DOCK3: variants seen among roughly 807,000 people sequenced by gnomAD.
The protein encoded by DOCK3 is dedicator of cytokinesis 3.
A neutral mutation model predicts 265.6 loss-of-function variants in DOCK3; 60 were observed. The observed-to-expected ratio is 0.23, with a 90% confidence interval of 0.18 to 0.28. DOCK3 has a LOEUF of 0.28. DOCK3 is among the 10% of genes least tolerant of loss of function. The pLI is 1.00. For synonymous variants in DOCK3, 881 were observed against 938.0 expected (o/e 0.94, Z 1.11); for missense variants, 1,981 against 2,594.3 (o/e 0.76, Z 5.14).
chr3:51,275,300 CTT>C, intron 25 of DOCK3, 94 bp downstream of exon 25: 1 of 1,556,448 alleles, frequency 6.4e-7, no homozygotes. Flanking sequence ...GCTTTGTACA[CTT>C]TTCAGTCACA....
At chr3:50,755,126 C>T (rs2040081742) in intron 1 of DOCK3, among the ~76,000 whole-genome samples, 1 of 152,172 alleles carries the variant, frequency 6.6e-6, no homozygotes, top group African/African-American at 2.4e-5. Flanking sequence ...GTGATCACTG[C>T]TAATCATCTT....
At chr3:51,067,043 A>G (rs2081615870) in intron 6 of DOCK3, among the ~76,000 whole-genome samples, 1 of 152,216 alleles carries the variant, frequency 6.6e-6, no homozygotes, top group Non-Finnish European at 1.5e-5. Flanking sequence ...AAACATTTTT[A>G]TGTTATGAAA....
At chr3:51,278,615 CATATAT>C (rs58166776) in intron 26 of DOCK3, 57 of 568,380 alleles carry the variant, frequency 1.0e-4, no homozygotes, top group Non-Finnish European at 1.1e-4. Flanking sequence ...AAGTAAAAAA[CATATAT>C]ATATATATAT....
intron 1 of DOCK3, among the ~76,000 whole-genome samples, chr3:50,696,344 G>C (rs997463794): frequency 6.6e-6 from 1 of 152,182 alleles, no homozygotes; most frequent in Admixed American, 6.5e-5. Flanking sequence ...TAAAAGGTGA[G>C]AGTTAAGGAT....
chr3:50,920,653 G>A (rs943218397), intron 4 of DOCK3, among the ~76,000 whole-genome samples: 9 of 151,900 alleles, frequency 5.9e-5, no homozygotes, highest in African/African-American at 2.2e-4. Flanking sequence ...TTCTTTATTA[G>A]TCTTGCTAAC....
intron 5 of DOCK3, among the ~76,000 whole-genome samples, chr3:50,942,283 T>G (rs940032999): frequency 6.6e-6 from 1 of 152,014 alleles, no homozygotes; most frequent in Admixed American, 6.6e-5. Flanking sequence ...CAAAGTTAAA[T>G]TTTAAGCTTC....
At chr3:51,053,804 C>T (rs2109146268) in intron 5 of DOCK3, among the ~76,000 whole-genome samples, 1 of 152,168 alleles carries the variant, frequency 6.6e-6, no homozygotes, top group Non-Finnish European at 1.5e-5. Flanking sequence ...GTTACATTTC[C>T]TTTGTTGTGT....
intron 1 of DOCK3, among the ~76,000 whole-genome samples, chr3:50,763,767 C>T (rs1276933061): frequency 6.6e-6 from 1 of 151,990 alleles, no homozygotes; most frequent in Non-Finnish European, 1.5e-5. Context: ...TAAGTCTTCT[C>T]TCTGTTTTTC....
chr3:51,097,879 C>T (rs997436350), intron 9 of DOCK3, among the ~76,000 whole-genome samples: 9 of 152,232 alleles, frequency 5.9e-5, no homozygotes, highest in Admixed American at 1.3e-4. Context: ...TTCCCTGACT[C>T]CTTGTGCTTC....
At position 51,247,787 on chromosome 3, in the gene DOCK3, G is replaced by A. The variant is rs187437740; in HGVS notation, c.2184+980G>A. ...AATAAGACCAGCCCATCTTCTTGAA[G>A]AACATATCCGCAGTATCCTAAGGGG... On this transcript the variant is annotated intron_variant, in intron 22 of 52. Transcript: ENST00000266037. Among the ~76,000 whole-genome samples, 201 of 152,294 alleles carry A rather than the reference G, an allele frequency of 1.3e-3. 3 individuals are homozygous for A. Among genetic ancestry groups the A allele is most frequent in the Non-Finnish European group, 1.6e-4 (11 of 68,016 alleles).
intron 5 of DOCK3, among the ~76,000 whole-genome samples, chr3:50,963,960 A>G (rs1330082942): frequency 6.6e-6 from 1 of 152,248 alleles, no homozygotes; most frequent in Admixed American, 6.5e-5. Flanking sequence ...ATCAGGCATC[A>G]TGTGAGGAAA....
rs548734301 is a variant in DOCK3 at position 50,709,239 on chromosome 3, C to T, written c.37+33939C>T. 2.0e-5 allele frequency among the ~76,000 whole-genome samples: 3 copies of T among 152,254 alleles called. No individual in the cohort carries two copies. In the South Asian group the frequency reaches 6.2e-4, roughly 32 times the overall value. On this transcript the variant is annotated intron_variant, in intron 1 of 52. Transcript: ENST00000266037. ...AATACACTTGACTTTGTATATTGATCATGTGTCCTGCAACATTACTGAACT... is the reference window on the plus strand; with the variant it reads ...AATACACTTGACTTTGTATATTGATTATGTGTCCTGCAACATTACTGAACT...
chr3:50,763,182 AG>A (rs1559607215), intron 1 of DOCK3, among the ~76,000 whole-genome samples: 1 of 152,228 alleles, frequency 6.6e-6, no homozygotes, highest in African/African-American at 2.4e-5. Flanking sequence ...TTGTTAAGTC[AG>A]GGACCATCTG....
chr3:51,061,575 G>T (rs913457004), intron 5 of DOCK3, among the ~76,000 whole-genome samples: 2 of 151,976 alleles, frequency 1.3e-5, no homozygotes, highest in Non-Finnish European at 2.9e-5. Flanking sequence ...GGTGGGGAGA[G>T]GGGGGAGGGA....
In DOCK3 at chr3:51,315,007, G is replaced by A; in HGVS notation, c.3281G>A (p.Gly1094Glu). ...LGEHKIHFIPGMIGPFLGVTL... is the reference protein window; with the variant it reads ...LGEHKIHFIPEMIGPFLGVTL... Reference sequence around the variant, plus strand: ...GAACATAAGATCCACTTTATTCCGGGAATGATTGGTCCTTTTCTGGGTGTG... The same window carrying A: ...GAACATAAGATCCACTTTATTCCGGAAATGATTGGTCCTTTTCTGGGTGTG... Residue 1094 changes from glycine (G) to glutamate (E), a missense_variant, in exon 32 of 53, where the codon GGA becomes GAA. Physicochemically the swap from Gly to Glu is moderately conservative, Grantham distance 98. Transcript: ENST00000266037. The A allele has an allele frequency of 1.2e-6, 2 of 1,609,558 alleles. No individual in the cohort carries two copies. The highest frequency in any genetic ancestry group is 1.7e-6 in the Non-Finnish European group (2 of 1,177,344).
chr3:51,200,278 C>A (rs1030450109), intron 12 of DOCK3, among the ~76,000 whole-genome samples: 1 of 151,662 alleles, frequency 6.6e-6, no homozygotes, highest in African/African-American at 2.4e-5. Context: ...AAGTTAAAAA[C>A]TTTGAAAAAA....
At chr3:50,742,748 T>C (rs1466053075) in intron 1 of DOCK3, among the ~76,000 whole-genome samples, 2 of 152,104 alleles carry the variant, frequency 1.3e-5, no homozygotes, top group African/African-American at 2.4e-5. Flanking sequence ...ACGGGGAGAA[T>C]GGAACCAAGT....
intron 1 of DOCK3, among the ~76,000 whole-genome samples, chr3:50,704,963 A>G (rs889980479): frequency 2.7e-5 from 4 of 150,900 alleles, no homozygotes; most frequent in African/African-American, 7.3e-5. Flanking sequence ...TAAACTGTTT[A>G]CATTCAAGGT....
chr3:50,749,501 A>C (rs764570339), intron 1 of DOCK3, among the ~76,000 whole-genome samples: 9 of 152,202 alleles, frequency 5.9e-5, no homozygotes, highest in African/African-American at 9.6e-5. Context: ...TTAAGGCTGG[A>C]GTGGCTTAGT....
Sources: allele counts gnomAD v4.1 joint callset (sites outside exome capture counted in the v4.1 genomes callset), GRCh38; gene constraint gnomAD v4.1.1; transcripts MANE v1.5; gene names NCBI Gene and HGNC (gene_info 2026-07-23, HGNC 2026-07-21).